The following SEMA3E variants were observed in gnomAD, a reference collection of about 807,000 sequenced individuals.
SEMA3E encodes the protein semaphorin-3E.
SEMA3E carries 49 observed loss-of-function variants against 93.6 expected under a neutral mutation model. The observed-to-expected ratio is 0.52, with a 90% confidence interval of 0.42 to 0.66. The LOEUF (loss-of-function observed/expected upper bound fraction) is 0.66, where lower values mean the gene tolerates loss of function less well. Ranked by LOEUF, SEMA3E falls within the 30% of genes least tolerant of loss-of-function variation. SEMA3E has a pLI of 0.00. For synonymous variants in SEMA3E, 363 were observed against 330.7 expected, an observed-to-expected ratio of 1.10 and a Z score of -1.06; for missense variants, 906 against 964.8, an observed-to-expected ratio of 0.94 and a Z score of 0.81.
chr7:83,533,277 C>T (rs1464240019), intron 1 of SEMA3E, among the ~76,000 whole-genome samples: 1 of 152,144 alleles, frequency 6.6e-6, no homozygotes, highest in Non-Finnish European at 1.5e-5. Flanking sequence ...TGCAGTGGCT[C>T]ATGCCTGTAA....
At chr7:83,624,846 T>C (rs1255005645) in intron 1 of SEMA3E, among the ~76,000 whole-genome samples, 1 of 152,222 alleles carries the variant, frequency 6.6e-6, no homozygotes, top group African/African-American at 2.4e-5. Flanking sequence ...CCTAGGGTTT[T>C]TATGGTTTTA....
intron 1 of SEMA3E, among the ~76,000 whole-genome samples, chr7:83,583,402 C>T (rs1339107452): frequency 2.0e-5 from 3 of 152,092 alleles, no homozygotes; most frequent in Non-Finnish European, 2.9e-5. Flanking sequence ...TGAGAAAGGG[C>T]TTGTCTTTGA....
intron 1 of SEMA3E, among the ~76,000 whole-genome samples, chr7:83,636,682 A>G (rs1229101212): frequency 6.6e-6 from 1 of 152,122 alleles, no homozygotes; most frequent in Non-Finnish European, 1.5e-5. Flanking sequence ...AGGACAAAGA[A>G]CGTGTGATAC....
At chr7:83,412,817 G>C (rs948971201) in intron 5 of SEMA3E, among the ~76,000 whole-genome samples, 17 of 150,542 alleles carry the variant, frequency 1.1e-4, no homozygotes, top group African/African-American at 4.0e-4. Context: ...AACTGTTTCA[G>C]AGAGAAAATA....
intron 4 of SEMA3E, among the ~76,000 whole-genome samples, chr7:83,452,079 C>T (rs1443579221): frequency 2.0e-5 from 3 of 151,888 alleles, no homozygotes; most frequent in Admixed American, 1.3e-4. Context: ...AAATACTAGG[C>T]GGGCATTTGA....
rs563671455 is a variant in SEMA3E, at chr7:83,419,813, G to A, written c.457-1330C>T. Among the ~76,000 whole-genome samples, 193 of 136,844 alleles carry A rather than the reference G, an allele frequency of 1.4e-3. 1 individual carries two copies. Among genetic ancestry groups the A allele is most frequent in the African/African-American group, 4.7e-3 (188 of 39,932 alleles). 89.8% of individuals were successfully genotyped at this position (136,844 alleles called of 152,430 possible). The stretch of plus-strand genomic sequence containing the variant: ...ACTCTCAACAAACTAGGCATTGAAG[G>A]AACATTTGTCAAAATAATAAGTCGT... On this transcript the variant is annotated intron_variant, in intron 4 of 16. Coordinates refer to ENST00000643230, the MANE Select transcript of SEMA3E (RefSeq NM_012431.3).
chr7:83,375,008 T>A (rs1481802877), intron 16 of SEMA3E, among the ~76,000 whole-genome samples: 3 of 152,164 alleles, frequency 2.0e-5, no homozygotes, highest in Non-Finnish European at 4.4e-5. Context: ...TAATGATTAA[T>A]GCGGTTTGAC....
At chr7:83,561,686 T>TA (rs1259467653) in intron 1 of SEMA3E, among the ~76,000 whole-genome samples, 2 of 152,136 alleles carry the variant, frequency 1.3e-5, no homozygotes, top group African/African-American at 4.8e-5. Context: ...ATCTTACCTG[T>TA]AGCTGCATGA....
chr7:83,423,123 T>C (rs1460250810), intron 4 of SEMA3E, among the ~76,000 whole-genome samples: 1 of 152,192 alleles, frequency 6.6e-6, no homozygotes, highest in Non-Finnish European at 1.5e-5. Context: ...CATGCTAACA[T>C]TTTGAAAACA....
At chr7:83,633,643 A>T (rs1043335465) in intron 1 of SEMA3E, among the ~76,000 whole-genome samples, 4 of 152,206 alleles carry the variant, frequency 2.6e-5, no homozygotes, top group African/African-American at 4.8e-5. Context: ...AATTATTTAG[A>T]TGCCAAAGTA....
At chr7:83,614,379 A>T (rs1415393622) in intron 1 of SEMA3E, among the ~76,000 whole-genome samples, 1 of 152,088 alleles carries the variant, frequency 6.6e-6, no homozygotes, top group African/African-American at 2.4e-5. Context: ...ATTTCACCAC[A>T]TGTACTTTAG....
chr7:83,364,942 C>G lies in SEMA3E; in HGVS notation c.*2644G>C, dbSNP rs1278319357. The G allele has an allele frequency of 6.6e-6, 1 of 152,126 alleles. No homozygotes were observed. Among genetic ancestry groups the G allele is most frequent in the Non-Finnish European group, 1.5e-5 (1 of 68,024 alleles). 9.4% of individuals were successfully genotyped at this position (152,126 alleles called of 1,614,324 possible). On this transcript the variant is annotated 3_prime_UTR_variant, in exon 17 of 17. Transcript: ENST00000643230. ...TGCCCTCCCTGAGTTCAGAGAAGAT[C>G]CATCCATTTTTAATTTTTAAAGCCT...
chr7:83,537,080 T>C (rs1584316491), intron 1 of SEMA3E, among the ~76,000 whole-genome samples: 1 of 152,014 alleles, frequency 6.6e-6, no homozygotes, highest in African/African-American at 2.4e-5. Flanking sequence ...TCTCTTCCCC[T>C]CTCTCTTCCT....
intron 2 of SEMA3E, 94 bp from the exon 3 acceptor site, chr7:83,469,396 TC>T: frequency 1.5e-6 from 1 of 679,964 alleles, no homozygotes; most frequent in Non-Finnish European, 2.3e-6. Flanking sequence ...TCAAAACATT[TC>T]CTTTTTTTTT....
intron 1 of SEMA3E, among the ~76,000 whole-genome samples, chr7:83,565,483 G>T (rs1040851394): frequency 1.3e-5 from 2 of 152,016 alleles, no homozygotes; most frequent in Non-Finnish European, 2.9e-5. Flanking sequence ...GAACAAACCT[G>T]CACATTCTGC....
At chr7:83,392,293 C>G (rs1051558218) in intron 14 of SEMA3E, among the ~76,000 whole-genome samples, 1 of 152,016 alleles carries the variant, frequency 6.6e-6, no homozygotes, top group Non-Finnish European at 1.5e-5. Context: ...CTTTGAATCT[C>G]TCATGTGTGG....
At chr7:83,371,290 T>A (rs1794745649) in intron 16 of SEMA3E, among the ~76,000 whole-genome samples, 1 of 152,040 alleles carries the variant, frequency 6.6e-6, no homozygotes. Flanking sequence ...TGAAACAACA[T>A]CCCCATGTAG....
At chr7:83,387,854 A>ATATATATATAACGTTATATATATGTT (rs1787912985) in intron 14 of SEMA3E, among the ~76,000 whole-genome samples, 3 of 144,334 alleles carry the variant, frequency 2.1e-5, no homozygotes, top group Admixed American at 7.0e-5. Flanking sequence ...ATATATGTTT[A>ATATATATATAACGTTATATATATGTT]TATATATATA....
chr7:83,565,693 G>T (rs1351638686), intron 1 of SEMA3E, among the ~76,000 whole-genome samples: 3 of 152,068 alleles, frequency 2.0e-5, no homozygotes, highest in Non-Finnish European at 4.4e-5. Flanking sequence ...GGACTTGAGG[G>T]TGTTTCTGCT....
Sources: allele counts gnomAD v4.1 joint callset (sites outside exome capture counted in the v4.1 genomes callset), GRCh38; gene constraint gnomAD v4.1.1; transcripts MANE v1.5; gene names NCBI Gene and HGNC (gene_info 2026-07-23, HGNC 2026-07-21).